DECR1: variants seen among roughly 807,000 people sequenced by gnomAD.
DECR1 encodes 2,4-dienoyl-CoA reductase [(3E)-enoyl-CoA-producing], mitochondrial.
Under a neutral mutation model 38.8 loss-of-function variants are expected in DECR1, and 44 were observed. The observed-to-expected ratio is 1.13, with a 90% CI of 0.89 to 1.46. DECR1 has a LOEUF of 1.46. Among genes scored for constraint, DECR1 ranks in the 40% most tolerant of loss-of-function variants. DECR1 has a pLI of 0.00. For synonymous variants in DECR1, 148 were observed against 135.2 expected, an observed-to-expected ratio of 1.09 and a Z score of -0.66; for missense variants, 428 against 405.5, an observed-to-expected ratio of 1.06 and a Z score of -0.48.
At chr8:90,035,281 C>T (rs61365155) in intron 5 of DECR1, among the ~76,000 whole-genome samples, 3,940 of 151,724 alleles carry the variant, frequency 0.026, 163 homozygotes, top group African/African-American at 0.089. Flanking sequence ...TTTTTTAGTC[C>T]TTATTCAAGT....
chr8:90,045,925 C>G (rs950323208), intron 8 of DECR1, among the ~76,000 whole-genome samples: 5 of 152,226 alleles, frequency 3.3e-5, no homozygotes, highest in Admixed American at 6.5e-5. Context: ...CAAACAGTGT[C>G]TGCAGTGGAC....
intron 1 of DECR1, chr8:90,005,391 G>A (rs886202977): frequency 2.2e-6 from 1 of 456,300 alleles, no homozygotes; most frequent in Admixed American, 2.3e-5. Flanking sequence ...CGCATGTTAG[G>A]TTGGGTGTTC....
intron 5 of DECR1, among the ~76,000 whole-genome samples, chr8:90,027,634 C>G (rs1367319825): frequency 1.3e-5 from 2 of 151,990 alleles, no homozygotes; most frequent in African/African-American, 4.8e-5. Context: ...GATGGGTCTC[C>G]TGAATACAGC....
intron 8 of DECR1, 133 bp downstream of exon 8, chr8:90,045,128 A>T: frequency 1.7e-5 from 12 of 700,654 alleles, no homozygotes; most frequent in Non-Finnish European, 2.5e-5. Context: ...TAAATAATAT[A>T]AAATATTATA....
intron 1 of DECR1, among the ~76,000 whole-genome samples, chr8:90,001,864 AC>A (rs1376541247): frequency 6.6e-6 from 1 of 150,954 alleles, no homozygotes; most frequent in Admixed American, 6.6e-5. Context: ...GAGAGAGAGG[AC>A]AGGACGTCTC....
intron 5 of DECR1, 24 bp from the exon 6 acceptor site, chr8:90,036,817 A>T: frequency 6.7e-7 from 1 of 1,494,186 alleles, no homozygotes; most frequent in South Asian, 1.1e-5. Context: ...ATTGCTAATC[A>T]ACTGTATCCT....
At chr8:90,042,014 G>C (rs1813776315) in intron 6 of DECR1, among the ~76,000 whole-genome samples, 2 of 152,036 alleles carry the variant, frequency 1.3e-5, no homozygotes, top group South Asian at 4.1e-4. Context: ...GATTTTAAAA[G>C]AGCTACCTGT....
Position 90,045,385 on chromosome 8 carries a change from C to T in DECR1, c.885+390C>T, listed in dbSNP as rs113026467. On this transcript the variant is annotated intron_variant, in intron 8 of 9. Coordinates refer to ENST00000220764, the MANE Select transcript of DECR1 (RefSeq NM_001359.2). ...AACGGCACACCAGGAGATTATATCCCGCGCATGGCTCAGAGGGTCCCATGC... is the reference window on the plus strand; with the variant it reads ...AACGGCACACCAGGAGATTATATCCTGCGCATGGCTCAGAGGGTCCCATGC... 2.5e-3 allele frequency among the ~76,000 whole-genome samples: 385 copies of T among 152,166 alleles called. 3 individuals are homozygous for T. The highest frequency in any genetic ancestry group is 7.8e-3 in the African/African-American group (323 of 41,496).
At chr8:90,018,457 T>C (rs1190675349) in intron 2 of DECR1, 1 of 153,128 alleles carries the variant, frequency 6.5e-6, no homozygotes, top group African/African-American at 2.4e-5. Context: ...GTCCGGAATA[T>C]TTTTTGTTTT....
chr8:90,035,266 G>T (rs1012515105), intron 5 of DECR1, among the ~76,000 whole-genome samples: 8 of 151,884 alleles, frequency 5.3e-5, no homozygotes, highest in Admixed American at 5.3e-4. Flanking sequence ...TACCAAATTC[G>T]GAATTTTTTT....
chr8:90,012,188 C>T (rs1209360837), intron 1 of DECR1, among the ~76,000 whole-genome samples: 2 of 149,752 alleles, frequency 1.3e-5, no homozygotes, highest in South Asian at 2.1e-4. Flanking sequence ...AGTCTTGTTC[C>T]GTTGCCCAGG....
intron 6 of DECR1, among the ~76,000 whole-genome samples, chr8:90,037,305 G>A (rs1161038461): frequency 6.6e-6 from 1 of 152,110 alleles, no homozygotes; most frequent in Non-Finnish European, 1.5e-5. Flanking sequence ...CTCTCCCATA[G>A]ATCTTTATCA....
chr8:90,041,352 T>C (rs562197163), intron 6 of DECR1, among the ~76,000 whole-genome samples: 13 of 152,316 alleles, frequency 8.5e-5, no homozygotes, highest in Admixed American at 5.2e-4. Context: ...TTAAGTTCTT[T>C]AAGTTCTTTG....
intron 5 of DECR1, among the ~76,000 whole-genome samples, chr8:90,026,344 G>C (rs970159793): frequency 3.9e-5 from 6 of 152,076 alleles, no homozygotes; most frequent in Admixed American, 6.6e-5. Flanking sequence ...CTGTGAATCT[G>C]TCTGTTCCTG....
At chr8:90,020,337 C>T (rs1252546122) in intron 4 of DECR1, among the ~76,000 whole-genome samples, 1 of 152,164 alleles carries the variant, frequency 6.6e-6, no homozygotes, top group Non-Finnish European at 1.5e-5. Context: ...AATGCAGTCA[C>T]ATGGTAAATA....
intron 5 of DECR1, among the ~76,000 whole-genome samples, chr8:90,026,701 G>T (rs1013462668): frequency 5.9e-5 from 9 of 152,166 alleles, no homozygotes; most frequent in Admixed American, 1.3e-4. Context: ...TTTTTGAAGG[G>T]TTTTTTGTGT....
rs752365166 is a variant in DECR1 at position 90,019,165 on chromosome 8, A to G, written c.410A>G (p.His137Arg). ...TVSELIKVAG[H>R]PNIVINNAAG... ...TCAGAACTGATCAAAGTTGCAGGAC[A>G]TCCTAATGTAAGTGTAGCAATGATG... Residue 137 changes from histidine to arginine, a missense_variant, in exon 4 of 10, where the codon CAT becomes CGT. Transcript: ENST00000220764. The G allele has an allele frequency of 6.2e-7, 1 of 1,613,924 alleles. No individual in the cohort carries two copies. Among genetic ancestry groups the G allele is most frequent in the Admixed American group, 1.7e-5 (1 of 60,026 alleles).
chr8:90,019,912 A>G (rs1348172752), intron 4 of DECR1, among the ~76,000 whole-genome samples: 2 of 152,248 alleles, frequency 1.3e-5, no homozygotes, highest in Non-Finnish European at 2.9e-5. Flanking sequence ...TTTATTTAAT[A>G]AGATTATGAA....
At chr8:90,033,483 G>C (rs1485165965) in intron 5 of DECR1, among the ~76,000 whole-genome samples, 1 of 152,140 alleles carries the variant, frequency 6.6e-6, no homozygotes, top group Non-Finnish European at 1.5e-5. Flanking sequence ...CTCTGTACAA[G>C]AAGGAAAATA....
Sources: allele counts gnomAD v4.1 joint callset (sites outside exome capture counted in the v4.1 genomes callset), GRCh38; gene constraint gnomAD v4.1.1; transcripts MANE v1.5; gene names NCBI Gene and HGNC (gene_info 2026-07-23, HGNC 2026-07-21).